The following LPL variants were observed in gnomAD, a reference collection of about 807,000 sequenced individuals.
LPL encodes the protein phospholipase A1.
In LPL, 43 loss-of-function variants were observed where a neutral mutation model predicts 52.2. The ratio of observed to expected loss-of-function variants is 0.82; its 90% CI spans 0.64 to 1.06. LPL has a LOEUF of 1.06. Among genes scored for constraint, LPL ranks in the 50% least tolerant of loss-of-function variants. The pLI is 0.00. For missense variants in LPL, 639 were observed against 585.3 expected, an observed-to-expected ratio of 1.09 and a Z score of -0.95; for synonymous variants, 244 against 215.6, an observed-to-expected ratio of 1.13 and a Z score of -1.15.
rs1455890447 is a variant in LPL, at chr8:19,962,110, C to T, written c.1323-5C>T. ...TGGCATATTCACATCCATTTTCTTC[C>T]ACAGGGTGATCTTCTGTTCTAGGGA... On this transcript the variant is annotated splice_region_variant and splice_polypyrimidine_tract_variant and intron_variant, in intron 8 of 9. Coordinates refer to ENST00000650287, the MANE Select transcript of LPL (RefSeq NM_000237.3). The T allele has an allele frequency of 3.1e-6, 5 of 1,602,658 alleles. No homozygotes were observed. The highest frequency in any genetic ancestry group is 4.3e-6 in the Non-Finnish European group (5 of 1,169,688).
intron 8 of LPL, among the ~76,000 whole-genome samples, chr8:19,961,701 AC>A (rs2128839736): frequency 6.6e-6 from 1 of 152,260 alleles, no homozygotes; most frequent in African/African-American, 2.4e-5. Flanking sequence ...AAACAAACAA[AC>A]AAAAAAAAAA....
intron 1 of LPL, chr8:19,946,842 G>A (rs1383877292): frequency 6.5e-6 from 1 of 153,278 alleles, no homozygotes; most frequent in Non-Finnish European, 1.5e-5. Context: ...ACTATTCACT[G>A]TACCCCATGA....
intron 1 of LPL, among the ~76,000 whole-genome samples, chr8:19,941,438 T>A (rs1297030610): frequency 2.1e-4 from 32 of 152,306 alleles, no homozygotes; most frequent in Admixed American, 2.1e-3. Flanking sequence ...CAGTGTCACC[T>A]CTCTGGGTTT....
chr8:19,963,255 G>A (rs569615440), intron 9 of LPL, among the ~76,000 whole-genome samples: 1 of 152,274 alleles, frequency 6.6e-6, no homozygotes, highest in African/African-American at 2.4e-5. Context: ...GGCCAACGTG[G>A]CGAAACCACC....
intron 5 of LPL, among the ~76,000 whole-genome samples, chr8:19,955,501 AG>A (rs1410668285): frequency 1.3e-5 from 2 of 152,348 alleles, no homozygotes; most frequent in African/African-American, 4.8e-5. Flanking sequence ...AGCACCTAGA[AG>A]TGTTAGACAC....
In LPL at chr8:19,939,588, C is replaced by G; in HGVS notation, c.88+60C>G. 1.3e-6 allele frequency: 2 copies of G among 1,511,412 alleles called. No homozygotes were observed. Among genetic ancestry groups the G allele is most frequent in the Non-Finnish European group, 1.8e-6 (2 of 1,109,930 alleles). The allele number at this position is 1,511,412 out of a possible 1,614,324, so 93.6% of individuals were successfully genotyped here. ...GACCCGGCGGGTGGCCACTGCCACC[C>G]GAACTGAGGATGAGAAGAAGGAAGT... is the stretch of plus-strand genomic sequence containing the variant. On this transcript the variant is annotated intron_variant, in intron 1 of 9. Coordinates refer to ENST00000650287, the MANE Select transcript of LPL (RefSeq NM_000237.3). The surrounding 1 kb of genome is among the most constrained non-coding windows in gnomAD (Gnocchi z 4.0).
intron 9 of LPL, among the ~76,000 whole-genome samples, chr8:19,963,249 A>G (rs909794730): frequency 1.3e-5 from 2 of 152,232 alleles, no homozygotes; most frequent in Non-Finnish European, 2.9e-5. Flanking sequence ...CAGCCTGGCC[A>G]ACGTGGCGAA....
chr8:19,964,219 TG>T (rs1296939271), intron 9 of LPL, among the ~76,000 whole-genome samples: 2 of 152,216 alleles, frequency 1.3e-5, no homozygotes, highest in Non-Finnish European at 2.9e-5. Context: ...CCCAAAGTGC[TG>T]GGATTATAGG....
chr8:19,952,011 C>A (rs1397927929), intron 3 of LPL, 63 bp downstream of exon 3: 8 of 1,571,442 alleles, frequency 5.1e-6, no homozygotes, highest in African/African-American at 1.4e-5. Flanking sequence ...GCCAGAAAAC[C>A]GGCTGTTCTT....
intron 4 of LPL, among the ~76,000 whole-genome samples, chr8:19,953,854 G>C (rs1198567078): frequency 1.3e-5 from 2 of 152,136 alleles, no homozygotes; most frequent in Non-Finnish European, 2.9e-5. Flanking sequence ...ACATCTTCTC[G>C]ACATATTCAG....
rs248 is a variant in LPL at position 19,953,315 on chromosome 8, G to A, written c.435G>A (p.Glu145=). Residue 145 remains glutamate, a synonymous_variant, in exon 4 of 10, where the codon GAG becomes GAA. Transcript: ENST00000650287. ...ATTTTCTTTTTCTTCCAAAGGAGGA[G>A]TTTAACTACCCTCTGGACAATGTCC... ...VARFINWMEE[E]FNYPLDNVHL... The A allele has an allele frequency of 0.065, 105,004 of 1,607,244 alleles. 3,772 individuals are homozygous for A. Among genetic ancestry groups the A allele is most frequent in the Non-Finnish European group, 0.075 (87,976 of 1,173,692 alleles).
Position 19,965,470 on chromosome 8 carries a change from G to C in LPL, c.*160G>C. 1.6e-6 allele frequency: 1 copy of C among 631,712 alleles called. No individual in the cohort carries two copies. 39.1% of individuals were successfully genotyped at this position (631,712 alleles called of 1,614,324 possible). A position where few individuals can be genotyped will look rare whatever the true frequency, so the allele number is the denominator to read the frequency against. On this transcript the variant is annotated 3_prime_UTR_variant, in exon 10 of 10. Coordinates refer to ENST00000650287, the MANE Select transcript of LPL (RefSeq NM_000237.3). ...CCTACCCTTGTTAGTTATTTTAGGA[G>C]ACAGTCTCAAGCACTAAAAAGTGGC...
chr8:19,946,015 C>A (rs2069879269), intron 1 of LPL, among the ~76,000 whole-genome samples: 1 of 152,016 alleles, frequency 6.6e-6, no homozygotes, highest in African/African-American at 2.4e-5. Flanking sequence ...GCACTGAAGG[C>A]AGAATTAGAT....
chr8:19,959,890 A>G (rs305), intron 7 of LPL, among the ~76,000 whole-genome samples: 38,214 of 149,436 alleles, frequency 0.26, 4,929 homozygotes, highest in African/African-American at 0.31. Context: ...CCGAGTTCAA[A>G]CAATTCTTCT....
At chr8:19,942,917 C>T (rs185156282) in intron 1 of LPL, among the ~76,000 whole-genome samples, 3 of 152,242 alleles carry the variant, frequency 2.0e-5, no homozygotes, top group Admixed American at 6.5e-5. Context: ...AAACTTGTGC[C>T]AATTCATTCC....
intron 2 of LPL, 73 bp downstream of exon 2, chr8:19,948,413 G>C: frequency 6.4e-7 from 1 of 1,571,682 alleles, no homozygotes. Flanking sequence ...AATTGTTGGG[G>C]ACCCAGTGAT....
Position 19,951,632 on chromosome 8 carries a change from T to G in LPL, c.250-137T>G. The stretch of plus-strand genomic sequence containing the variant: ...AGACCTGTCTCTGAACACTGTTCTG[T>G]TATTTGATTTTTCTATCTGTGCCAA... On this transcript the variant is annotated intron_variant, in intron 2 of 9. Transcript: ENST00000650287. 3 of 942,220 alleles carry G rather than the reference T, an allele frequency of 3.2e-6. No homozygotes were observed. In the Admixed American group the frequency reaches 5.1e-5, roughly 16 times the overall value. 58.4% of individuals were successfully genotyped at this position (942,220 alleles called of 1,614,324 possible).
At chr8:19,948,155 C>T in intron 1 of LPL, 25 bp from the exon 2 acceptor site, 4 of 1,612,250 alleles carry the variant, frequency 2.5e-6, no homozygotes, top group Non-Finnish European at 1.7e-6. Context: ...TCCAGTTAAC[C>T]TCATATCCAA....
Position 19,962,114 on chromosome 8 carries a change from G to A in LPL, c.1323-1G>A. On this transcript the variant is annotated splice_acceptor_variant, in intron 8 of 9. Transcript: ENST00000650287. LOFTEE classifies it high-confidence loss of function. ...ATATTCACATCCATTTTCTTCCACA[G>A]GGTGATCTTCTGTTCTAGGGAGAAA... 6.2e-7 allele frequency: 1 copy of A among 1,606,972 alleles called. No homozygotes were observed. The highest frequency in any genetic ancestry group is 8.5e-7 in the Non-Finnish European group (1 of 1,173,558).
Sources: allele counts gnomAD v4.1 joint callset (sites outside exome capture counted in the v4.1 genomes callset), GRCh38; gene constraint gnomAD v4.1.1; non-coding constraint Gnocchi (gnomAD v3.1); transcripts MANE v1.5; gene names NCBI Gene and HGNC (gene_info 2026-07-23, HGNC 2026-07-21).